The following CACNA2D3 variants were observed in gnomAD, a reference collection of about 807,000 sequenced individuals.
The protein encoded by CACNA2D3 is voltage-dependent calcium channel subunit alpha-2/delta-3.
CACNA2D3 carries 60 observed loss-of-function variants against 160.6 expected under a neutral mutation model. The ratio of observed to expected loss-of-function variants is 0.37; its 90% CI spans 0.30 to 0.46. CACNA2D3 has a LOEUF of 0.46. Ranked by LOEUF, CACNA2D3 falls within the 20% of genes least tolerant of loss-of-function variation. CACNA2D3 has a pLI of 1.00. For synonymous variants in CACNA2D3, 558 were observed against 492.9 expected (o/e 1.13, Z -1.75); for missense variants, 1,205 against 1,365.0 (o/e 0.88, Z 1.85).
rs537580523 is a variant in CACNA2D3 at position 54,770,911 on chromosome 3, TACC to T, written c.1380+6563_1380+6565del. Reference sequence around the variant, plus strand: ...ACTGTAAAGAAAGTTGCTAAAAAATTACCACTGTGCTGAATACGGGCAAAGCAA... The same window carrying T: ...ACTGTAAAGAAAGTTGCTAAAAAATTACTGTGCTGAATACGGGCAAAGCAA... On this transcript the variant is annotated intron_variant, in intron 13 of 37. Coordinates refer to ENST00000474759, the MANE Select transcript of CACNA2D3 (RefSeq NM_018398.3). Among the ~76,000 whole-genome samples, 25 of 152,302 alleles carry T rather than the reference TACC, an allele frequency of 1.6e-4. 1 individual carries two copies. In the South Asian group the frequency reaches 5.0e-3, roughly 30 times the overall value.
chr3:54,131,097 A>G (rs972427278), intron 2 of CACNA2D3, among the ~76,000 whole-genome samples: 1 of 152,354 alleles, frequency 6.6e-6, no homozygotes, highest in African/African-American at 2.4e-5. Context: ...CCTAGTTGCA[A>G]TATACAAATA....
intron 23 of CACNA2D3, among the ~76,000 whole-genome samples, chr3:54,886,398 C>T (rs896339571): frequency 4.6e-5 from 7 of 152,148 alleles, no homozygotes; most frequent in African/African-American, 1.7e-4. Context: ...GTGTCATTGT[C>T]TTTGACTTTT....
At chr3:54,366,290 C>A (rs1698826380) in intron 3 of CACNA2D3, among the ~76,000 whole-genome samples, 1 of 152,168 alleles carries the variant, frequency 6.6e-6, no homozygotes, top group Admixed American at 6.5e-5. Context: ...GTGGAAAAGA[C>A]CTGCATGCTT....
intron 26 of CACNA2D3, among the ~76,000 whole-genome samples, 156 bp from the exon 27 acceptor site, chr3:54,899,632 G>A (rs1270327361): frequency 5.3e-5 from 8 of 152,200 alleles, no homozygotes; most frequent in East Asian, 1.9e-4. Flanking sequence ...GCCTGGCAGC[G>A]TAGGCAGAGC....
intron 4 of CACNA2D3, among the ~76,000 whole-genome samples, chr3:54,444,218 G>A (rs1700186743): frequency 6.6e-6 from 1 of 152,152 alleles, no homozygotes; most frequent in African/African-American, 2.4e-5. Context: ...AACCTGGCCT[G>A]TTAGAGTCTC....
At chr3:54,726,613 A>G (rs1296183306) in intron 11 of CACNA2D3, among the ~76,000 whole-genome samples, 2 of 152,178 alleles carry the variant, frequency 1.3e-5, no homozygotes, top group East Asian at 1.9e-4. Context: ...AACACCACAC[A>G]TCTACAACAA....
chr3:55,054,821 G>C (rs1704323062), intron 35 of CACNA2D3, among the ~76,000 whole-genome samples: 1 of 151,922 alleles, frequency 6.6e-6, no homozygotes, highest in African/African-American at 2.4e-5. Flanking sequence ...TATTCTTCTA[G>C]AGAATGTTGA....
At chr3:54,682,432 C>T (rs1464407084) in intron 11 of CACNA2D3, among the ~76,000 whole-genome samples, 1 of 152,024 alleles carries the variant, frequency 6.6e-6, no homozygotes, top group Non-Finnish European at 1.5e-5. Context: ...TTGAGACCAG[C>T]CTGGCCAACA....
intron 6 of CACNA2D3, among the ~76,000 whole-genome samples, chr3:54,566,081 C>T (rs1468684424): frequency 2.0e-5 from 3 of 152,228 alleles, no homozygotes; most frequent in South Asian, 2.1e-4. Context: ...TGCCCTCTCT[C>T]TTCAGACAGA....
chr3:54,339,037 T>C (rs1477826078), intron 3 of CACNA2D3, among the ~76,000 whole-genome samples: 1 of 152,196 alleles, frequency 6.6e-6, no homozygotes, highest in Non-Finnish European at 1.5e-5. Context: ...ATCCTGGAAG[T>C]TCGGTTCGTT....
intron 8 of CACNA2D3, among the ~76,000 whole-genome samples, chr3:54,574,049 A>G (rs1024261841): frequency 6.6e-6 from 1 of 152,120 alleles, no homozygotes; most frequent in African/African-American, 2.4e-5. Context: ...CGCCCTGCAA[A>G]TCTGTGTGAG....
At position 54,961,991 on chromosome 3, in the gene CACNA2D3, C is replaced by T. The variant is rs572072113; in HGVS notation, c.2450-6459C>T. ...GGCATGGCATCGTGAGGGGACTGAG[C>T]GTGCTCACTCAGGTCTCTCTCCCTC... On this transcript the variant is annotated intron_variant, in intron 27 of 37. Transcript: ENST00000474759. Among the ~76,000 whole-genome samples the T allele has an allele frequency of 1.3e-4, 20 of 152,176 alleles. No individual in the cohort carries two copies. In the South Asian group the frequency reaches 3.3e-3, roughly 25 times the overall value.
At chr3:54,881,015 T>A (rs1270727108) in intron 21 of CACNA2D3, among the ~76,000 whole-genome samples, 152 bp downstream of exon 21, 1 of 152,218 alleles carries the variant, frequency 6.6e-6, no homozygotes, top group Non-Finnish European at 1.5e-5. Context: ...TGATAATTCT[T>A]AATACCTTTC....
intron 11 of CACNA2D3, among the ~76,000 whole-genome samples, chr3:54,707,084 G>A (rs1040773519): frequency 2.0e-5 from 3 of 152,158 alleles, no homozygotes; most frequent in African/African-American, 7.2e-5. Context: ...CGTATTAATG[G>A]GTAGCAAGTG....
chr3:54,363,302 CA>C (rs946450084), intron 3 of CACNA2D3, among the ~76,000 whole-genome samples: 11 of 151,958 alleles, frequency 7.2e-5, no homozygotes, highest in African/African-American at 2.7e-4. Flanking sequence ...CAAAACAAAA[CA>C]AAAAAACCAA....
intron 2 of CACNA2D3, among the ~76,000 whole-genome samples, chr3:54,217,600 G>A (rs1057220980): frequency 1.3e-5 from 2 of 152,170 alleles, no homozygotes; most frequent in Admixed American, 1.3e-4. Context: ...CGAAAGGGAT[G>A]TGAAGACAGA....
In CACNA2D3 at chr3:54,446,684, A is replaced by G. The variant is rs187862346; in HGVS notation, c.382-56808A>G. ...TGATGGGATTCCTAAATGACATTTA[A>G]GCAAGCCTCATGATGATGGTGTCTA... On this transcript the variant is annotated intron_variant, in intron 4 of 37. Coordinates refer to ENST00000474759, the MANE Select transcript of CACNA2D3 (RefSeq NM_018398.3). 8.5e-4 allele frequency among the ~76,000 whole-genome samples: 130 copies of G among 152,208 alleles called. 2 individuals are homozygous for G. Among genetic ancestry groups the G allele is most frequent in the African/African-American group, 2.9e-3 (122 of 41,538 alleles).
chr3:54,366,925 A>T (rs993488771), intron 3 of CACNA2D3, among the ~76,000 whole-genome samples: 2 of 152,224 alleles, frequency 1.3e-5, no homozygotes, highest in Non-Finnish European at 2.9e-5. Flanking sequence ...GCAACCTTGA[A>T]TGGGAAGGGT....
intron 3 of CACNA2D3, among the ~76,000 whole-genome samples, chr3:54,355,505 G>A (rs1406786891): frequency 2.6e-5 from 4 of 152,096 alleles, no homozygotes; most frequent in Non-Finnish European, 5.9e-5. Context: ...GAGTCATCAG[G>A]AATTGTTCAT....
Sources: allele counts gnomAD v4.1 joint callset (sites outside exome capture counted in the v4.1 genomes callset), GRCh38; gene constraint gnomAD v4.1.1; transcripts MANE v1.5; gene names NCBI Gene and HGNC (gene_info 2026-07-23, HGNC 2026-07-21).